The following TRPS1 variants were observed in gnomAD, a reference collection of about 807,000 sequenced individuals.
TRPS1 encodes zinc finger transcription factor Trps1.
Under a neutral mutation model 101.2 loss-of-function variants are expected in TRPS1, and 6 were observed. The observed-to-expected ratio is 0.06, with a 90% CI of 0.03 to 0.12. The LOEUF (loss-of-function observed/expected upper bound fraction) is 0.12, where lower values mean the gene tolerates loss of function less well. TRPS1 is among the 10% of genes least tolerant of loss of function. The pLI, the probability that TRPS1 is intolerant of heterozygous loss-of-function variation, is 1.00. For missense variants in TRPS1, 1,363 were observed against 1,567.0 expected, an observed-to-expected ratio of 0.87 and a Z score of 2.20; for synonymous variants, 578 against 589.8, an observed-to-expected ratio of 0.98 and a Z score of 0.29.
At chr8:115,538,926 A>T (rs942082394) in intron 5 of TRPS1, among the ~76,000 whole-genome samples, 1 of 152,184 alleles carries the variant, frequency 6.6e-6, no homozygotes, top group Non-Finnish European at 1.5e-5. Flanking sequence ...CCAACATAAT[A>T]TCAAAAAAGT....
chr8:115,642,292 A>G (rs138624650), intron 1 of TRPS1, among the ~76,000 whole-genome samples: 1,589 of 105,552 alleles, frequency 0.015, 43 homozygotes, highest in African/African-American at 0.055. Flanking sequence ...CACTACATAC[A>G]TAATAGTCAT....
chr8:115,571,547 A>C (rs1199317580), intron 5 of TRPS1, among the ~76,000 whole-genome samples: 1 of 152,158 alleles, frequency 6.6e-6, no homozygotes, highest in Non-Finnish European at 1.5e-5. Context: ...TTTTAAACAA[A>C]AGGGAAAGCA....
At chr8:115,584,129 A>G (rs376116416) in intron 5 of TRPS1, among the ~76,000 whole-genome samples, 12 of 152,158 alleles carry the variant, frequency 7.9e-5, no homozygotes, top group Middle Eastern at 3.4e-3. Context: ...TTTTATTTCA[A>G]AATGTTTCCA....
chr8:115,625,163 A>C (rs1378304698), intron 1 of TRPS1, among the ~76,000 whole-genome samples: 1 of 151,946 alleles, frequency 6.6e-6, no homozygotes, highest in Non-Finnish European at 1.5e-5. Flanking sequence ...TGTAAATTCT[A>C]TAAATTCTAT....
In TRPS1 at chr8:115,604,026, C is replaced by T. The variant is rs1817970148; in HGVS notation, c.1943G>A (p.Ser648Asn). The change falls in exon 4 of 7, where the codon AGT becomes AAT. Residue 648 changes from serine to asparagine, a missense_variant. By Grantham distance (46) the Ser-to-Asn change is conservative (BLOSUM62 1). Transcript: ENST00000395715. This position sits in a 1 kb window ranked among gnomAD's most constrained non-coding sequence, Gnocchi z 4.1. Reference protein sequence around the residue: ...DVDVLLFHYESVHESQASDVK... With the variant: ...DVDVLLFHYENVHESQASDVK... ...ATCCGATGCTTGGGACTCATGCACA[C>T]TTTCATAGTGAAAGAGGAGTACATC... is the stretch of plus-strand genomic sequence containing the variant. The T allele has an allele frequency of 3.7e-6, 6 of 1,613,862 alleles. No individual in the cohort carries two copies. Among genetic ancestry groups the T allele is most frequent in the Middle Eastern group, 1.6e-4 (1 of 6,084 alleles).
Position 115,587,155 on chromosome 8 carries a change from G to A in TRPS1, c.2546C>T (p.Ala849Val), listed in dbSNP as rs1245815484. 6.2e-7 allele frequency: 1 copy of A among 1,614,144 alleles called. No individual in the cohort carries two copies. The stretch of plus-strand genomic sequence containing the variant: ...GCCATAAATAGGTCGCGCCAGATGG[G>A]CGGCCTCCACATTGGGACTATCCCT... The part of the protein sequence containing the change: ...TLRDSPNVEA[A>V]HLARPIYGLA... The change falls in exon 5 of 7, where the codon GCC (alanine) becomes GTC (valine). Residue 849 changes from alanine (A) to valine (V), a missense_variant. By Grantham distance (64) the Ala-to-Val change is moderately conservative. Around this residue, in one of 5 missense-constraint regions of TRPS1, gnomAD observed 1,020 missense variants for 1,073.0 expected, o/e 0.95. Coordinates refer to ENST00000395715, the MANE Select transcript of TRPS1 (RefSeq NM_014112.5).
At chr8:115,565,905 T>TA (rs1165730047) in intron 5 of TRPS1, among the ~76,000 whole-genome samples, 1 of 152,068 alleles carries the variant, frequency 6.6e-6, no homozygotes, top group African/African-American at 2.4e-5. Flanking sequence ...CACACCAAAT[T>TA]AAAAGGACGA....
chr8:115,573,892 A>G (rs1250844281), intron 5 of TRPS1, among the ~76,000 whole-genome samples: 1 of 152,182 alleles, frequency 6.6e-6, no homozygotes, highest in Non-Finnish European at 1.5e-5. Flanking sequence ...TTCACCTGCT[A>G]AAAGTCCAGT....
chr8:115,553,162 A>ATATG (rs1430181519), intron 5 of TRPS1, among the ~76,000 whole-genome samples: 2 of 152,066 alleles, frequency 1.3e-5, no homozygotes, highest in African/African-American at 4.8e-5. Flanking sequence ...ATTTTTATAC[A>ATATG]TAACATTATA....
At chr8:115,612,260 AG>A (rs1245964778) in intron 3 of TRPS1, among the ~76,000 whole-genome samples, 1 of 151,972 alleles carries the variant, frequency 6.6e-6, no homozygotes, top group Non-Finnish European at 1.5e-5. Flanking sequence ...AAGGAGAGGA[AG>A]ATGAGGAGGA....
chr8:115,641,571 C>A (rs1212598674), intron 1 of TRPS1, among the ~76,000 whole-genome samples: 3 of 152,150 alleles, frequency 2.0e-5, no homozygotes, highest in Non-Finnish European at 2.9e-5. Context: ...GCAATGGCTT[C>A]CAGTCACTGA....
intron 5 of TRPS1, among the ~76,000 whole-genome samples, chr8:115,431,573 T>C (rs1813319991): frequency 6.6e-6 from 1 of 152,000 alleles, no homozygotes; most frequent in Non-Finnish European, 1.5e-5. Context: ...ATTTTAAAGA[T>C]ACATATTTCT....
intron 1 of TRPS1, chr8:115,667,760 C>T: frequency 7.3e-7 from 1 of 1,378,910 alleles, no homozygotes; most frequent in Non-Finnish European, 9.8e-7. Flanking sequence ...TTGAAGCCTG[C>T]ATTTGCAAAC....
At chr8:115,597,251 T>A (rs138536059) in intron 4 of TRPS1, among the ~76,000 whole-genome samples, 3 of 152,116 alleles carry the variant, frequency 2.0e-5, no homozygotes, top group African/African-American at 7.2e-5. Context: ...CAAAGTAGTA[T>A]GTTCCGACCA....
intron 5 of TRPS1, among the ~76,000 whole-genome samples, chr8:115,435,601 G>C (rs1002716116): frequency 1.8e-4 from 28 of 152,136 alleles, no homozygotes; most frequent in Admixed American, 9.8e-4. Flanking sequence ...ATTCCCTGTA[G>C]TGTCACTTTA....
intron 5 of TRPS1, among the ~76,000 whole-genome samples, chr8:115,550,454 G>C (rs1186291822): frequency 2.0e-5 from 3 of 152,108 alleles, no homozygotes; most frequent in Non-Finnish European, 4.4e-5. Flanking sequence ...GTACAATGAA[G>C]ATAATCATAT....
intron 5 of TRPS1, among the ~76,000 whole-genome samples, chr8:115,525,254 T>C (rs572745328): frequency 6.6e-6 from 1 of 152,138 alleles, no homozygotes; most frequent in Admixed American, 6.5e-5. Context: ...AGAAAACCTA[T>C]CAGAGAAAAA....
At position 115,604,303 on chromosome 8, in the gene TRPS1, CTACAAT is replaced by C; in HGVS notation, c.1660_1665del (p.Ile554_Val555del). The C allele has an allele frequency of 6.2e-7, 1 of 1,614,110 alleles. No homozygotes were observed. The highest frequency in any genetic ancestry group is 1.1e-5 in the South Asian group (1 of 91,086). On this transcript the variant is annotated inframe_deletion, in exon 4 of 7. Coordinates refer to ENST00000395715, the MANE Select transcript of TRPS1 (RefSeq NM_014112.5). This position sits in a 1 kb window ranked among gnomAD's most constrained non-coding sequence, Gnocchi z 4.1. Reference sequence around the variant, plus strand: ...TGATAATGACGGAGAAGTGGCCCCACTACAATTACATCAGGGCCATGGCTTTTGGAA... The same window carrying C: ...TGATAATGACGGAGAAGTGGCCCCACTACATCAGGGCCATGGCTTTTGGAA...
chr8:115,665,719 A>G (rs1196430322), intron 1 of TRPS1, among the ~76,000 whole-genome samples: 1 of 152,216 alleles, frequency 6.6e-6, no homozygotes, highest in Non-Finnish European at 1.5e-5. Context: ...CTTCACAGCT[A>G]TTATGACATT....
Sources: gnomAD v4.1 joint callset for allele counts (sites outside exome capture counted in the v4.1 genomes callset) on GRCh38, gnomAD v4.1.1 for gene constraint, gnomAD v4.1.1 regional missense constraint, Gnocchi (gnomAD v3.1) non-coding constraint, MANE v1.5 for transcripts, NCBI Gene and HGNC (gene_info 2026-07-23, HGNC 2026-07-21) for gene names.